TSHZ2: variants seen among roughly 807,000 people sequenced by gnomAD.
The protein encoded by TSHZ2 is teashirt homolog 2.
Under a neutral mutation model 74.4 loss-of-function variants are expected in TSHZ2, and 21 were observed. That is an observed-to-expected ratio of 0.28 (90% CI 0.20 to 0.41). The LOEUF (loss-of-function observed/expected upper bound fraction) is 0.41, where lower values mean the gene tolerates loss of function less well. Among genes scored for constraint, TSHZ2 ranks in the 10% least tolerant of loss-of-function variants. TSHZ2 has a pLI of 1.00. For synonymous variants in TSHZ2, 540 were observed against 515.3 expected (o/e 1.05, Z -0.65); for missense variants, 1,244 against 1,293.5 (o/e 0.96, Z 0.59).
chr20:53,306,571 A>G (rs1425627249), intron 2 of TSHZ2, among the ~76,000 whole-genome samples: 2 of 152,210 alleles, frequency 1.3e-5, no homozygotes, highest in African/African-American at 4.8e-5. Context: ...AAGAGCCTGC[A>G]TGAAACCTCG....
At chr20:52,986,660 C>T (rs751777370) in intron 1 of TSHZ2, among the ~76,000 whole-genome samples, 5 of 150,616 alleles carry the variant, frequency 3.3e-5, no homozygotes, top group South Asian at 2.1e-4. Flanking sequence ...ACCCAGGAGG[C>T]GGAGATTGAA....
chr20:53,229,644 C>G (rs1600755086), intron 1 of TSHZ2, among the ~76,000 whole-genome samples: 2 of 152,130 alleles, frequency 1.3e-5, no homozygotes, highest in African/African-American at 4.8e-5. Context: ...GAAGCCTCTT[C>G]ACCCTCATTC....
At chr20:53,096,253 T>C (rs1438198715) in intron 1 of TSHZ2, among the ~76,000 whole-genome samples, 1 of 152,172 alleles carries the variant, frequency 6.6e-6, no homozygotes, top group Admixed American at 6.5e-5. Context: ...GTGATTCTCT[T>C]GTTTCAGCCT....
intron 2 of TSHZ2, among the ~76,000 whole-genome samples, chr20:53,351,390 C>T (rs1980640043): frequency 6.6e-6 from 1 of 151,760 alleles, no homozygotes; most frequent in African/African-American, 2.4e-5. Flanking sequence ...GTATTATAAC[C>T]CAAAGAATCT....
Position 53,254,659 on chromosome 20 carries a change from G to T in TSHZ2, c.1201G>T (p.Val401Phe). 6.2e-7 allele frequency: 1 copy of T among 1,614,172 alleles called. No homozygotes were observed. The highest frequency in any genetic ancestry group is 1.1e-5 in the South Asian group (1 of 91,080). The change falls in exon 2 of 3, where the codon GTC (valine) becomes TTC (phenylalanine). Residue 401 changes from valine (V) to phenylalanine (F), a missense_variant. Val to Phe is a conservative substitution (Grantham distance 50, BLOSUM62 -1). Transcript: ENST00000371497. ...GCAGCAGCTCACCACCCACATGATG[G>T]TCACAGGTCACTTTCTCAAGGTCAC... ...TLQQLTTHMM[V>F]TGHFLKVTSS...
Position 53,253,700 on chromosome 20 carries a change from A to G in TSHZ2, c.242A>G (p.Asn81Ser). 1 of 1,614,194 alleles carries G rather than the reference A, an allele frequency of 6.2e-7. No homozygotes were observed. The highest frequency in any genetic ancestry group is 8.5e-7 in the Non-Finnish European group (1 of 1,180,028). ...GSHLSNQDAE[N>S]ESLLSDASDQ... ...CATTTGTCCAATCAGGATGCCGAGA[A>G]CGAGTCTCTGCTGAGTGACGCCAGT... The change falls in exon 2 of 3, where the codon AAC becomes AGC. Residue 81 changes from asparagine to serine, a missense_variant. Around this residue, in one of 6 missense-constraint regions of TSHZ2, gnomAD observed 470 missense variants for 456.5 expected, o/e 1.03. Transcript: ENST00000371497.
intron 1 of TSHZ2, among the ~76,000 whole-genome samples, chr20:53,144,933 AG>A (rs1489282096): frequency 1.3e-5 from 2 of 152,144 alleles, no homozygotes; most frequent in Admixed American, 1.3e-4. Flanking sequence ...AATTGAGTCC[AG>A]ATATAATAAT....
At chr20:53,462,522 C>T (rs1985412912) in intron 2 of TSHZ2, among the ~76,000 whole-genome samples, 1 of 152,158 alleles carries the variant, frequency 6.6e-6, no homozygotes, top group Non-Finnish European at 1.5e-5. Flanking sequence ...CCTGCCCCAG[C>T]CCTGGCTTCA....
intron 1 of TSHZ2, among the ~76,000 whole-genome samples, chr20:53,083,382 A>T (rs2123236202): frequency 6.6e-6 from 1 of 152,298 alleles, no homozygotes; most frequent in South Asian, 2.1e-4. Context: ...TAGCTTTCCA[A>T]ATTAATAGGT....
At chr20:53,211,712 T>G (rs1224642235) in intron 1 of TSHZ2, among the ~76,000 whole-genome samples, 3 of 152,116 alleles carry the variant, frequency 2.0e-5, no homozygotes, top group Admixed American at 1.3e-4. Flanking sequence ...AGACCCTGTG[T>G]CTAAAACAAT....
chr20:53,048,309 G>GGAGAGA (rs546698940), intron 1 of TSHZ2, among the ~76,000 whole-genome samples: 10 of 149,760 alleles, frequency 6.7e-5, no homozygotes, highest in African/African-American at 2.4e-4. Context: ...AAGAAGGGGA[G>GGAGAGA]GAGAGAGAGA....
intron 2 of TSHZ2, among the ~76,000 whole-genome samples, chr20:53,349,986 T>C (rs561350339): frequency 6.6e-6 from 1 of 152,334 alleles, no homozygotes; most frequent in East Asian, 1.9e-4. Context: ...CTGCATTACT[T>C]GGCTCAGGGG....
At position 53,473,357 on chromosome 20, in the gene TSHZ2, C is replaced by A. The variant is rs1600668291; in HGVS notation, c.*9-13787C>A. On this transcript the variant is annotated intron_variant, in intron 2 of 2. Transcript: ENST00000371497. The stretch of plus-strand genomic sequence containing the variant: ...CAAGTGGGTCCCTGACCCCTGACCC[C>A]CGAGCAGCCTAACTGGCAGGCACCC... Among the ~76,000 whole-genome samples, 11 of 143,118 alleles carry A rather than the reference C, an allele frequency of 7.7e-5. 2 individuals are homozygous for A. The South Asian group carries it at 2.6e-3, about 33-fold the overall frequency. The allele number at this position is 143,118 out of a possible 152,430, so 93.9% of individuals were successfully genotyped here. A position where few individuals can be genotyped will look rare whatever the true frequency, so the allele number is the denominator to read the frequency against.
intron 1 of TSHZ2, among the ~76,000 whole-genome samples, chr20:53,238,805 C>T (rs964698632): frequency 7.7e-6 from 1 of 129,206 alleles, no homozygotes; most frequent in Non-Finnish European, 1.5e-5. Flanking sequence ...CCTTATGATG[C>T]TATAAGTCAG....
chr20:53,182,651 C>G (rs1315346388), intron 1 of TSHZ2, among the ~76,000 whole-genome samples: 1 of 152,208 alleles, frequency 6.6e-6, no homozygotes, highest in Non-Finnish European at 1.5e-5. Flanking sequence ...TTTTGGTAAT[C>G]TGAACTTCTC....
intron 2 of TSHZ2, among the ~76,000 whole-genome samples, chr20:53,425,382 A>G (rs1219375775): frequency 1.3e-5 from 2 of 152,264 alleles, no homozygotes; most frequent in Non-Finnish European, 2.9e-5. Flanking sequence ...AGAAGAGTCC[A>G]CAAAAGCATG....
chr20:53,323,873 C>G (rs923945844), intron 2 of TSHZ2, among the ~76,000 whole-genome samples: 1 of 151,992 alleles, frequency 6.6e-6, no homozygotes, highest in East Asian at 1.9e-4. Flanking sequence ...CCACCATGCC[C>G]GGGCTCCTCG....
At chr20:53,114,335 A>C (rs1749224426) in intron 1 of TSHZ2, among the ~76,000 whole-genome samples, 1 of 152,190 alleles carries the variant, frequency 6.6e-6, no homozygotes, top group South Asian at 2.1e-4. Flanking sequence ...GTTTATACCT[A>C]GTCTTGAGCC....
intron 1 of TSHZ2, among the ~76,000 whole-genome samples, chr20:53,150,650 AAAAG>A (rs1987653947): frequency 3.9e-5 from 6 of 152,072 alleles, no homozygotes; most frequent in East Asian, 1.9e-4. Flanking sequence ...TTTTTTAAAA[AAAAG>A]AAGGAAAGAA....
Sources: allele counts gnomAD v4.1 joint callset (sites outside exome capture counted in the v4.1 genomes callset), GRCh38; gene constraint gnomAD v4.1.1; regional missense constraint gnomAD v4.1.1; transcripts MANE v1.5; gene names NCBI Gene and HGNC (gene_info 2026-07-23, HGNC 2026-07-21).